Variants in DNAJC2 observed in about 807,000 individuals in gnomAD.
DNAJC2 encodes DnaJ heat shock protein family (Hsp40) member C2.
DNAJC2 carries 32 observed loss-of-function variants against 94.0 expected under a neutral mutation model. That is an observed-to-expected ratio of 0.34 (90% CI 0.26 to 0.46). The LOEUF is 0.46. DNAJC2 is among the 20% of genes least tolerant of loss of function. The probability of loss-of-function intolerance (pLI) is 1.00; values close to 1 mark genes in which losing one functional copy is unlikely to be tolerated. For synonymous variants in DNAJC2, 210 were observed against 229.7 expected (o/e 0.91, Z 0.77); for missense variants, 550 against 719.5 (o/e 0.76, Z 2.69).
intron 5 of DNAJC2, among the ~76,000 whole-genome samples, chr7:103,325,196 C>A (rs897008363): frequency 6.6e-6 from 1 of 152,202 alleles, no homozygotes; most frequent in Non-Finnish European, 1.5e-5. Context: ...GTAATCCCAG[C>A]ACTTTGGGAG....
In DNAJC2 at chr7:103,316,918, C is replaced by T; in HGVS notation, c.1339G>A (p.Gly447Ser). Reference protein sequence around the residue: ...SKNTEKSTGGGGNGSKNWSED... With the variant: ...SKNTEKSTGGSGNGSKNWSED... The stretch of plus-strand genomic sequence containing the variant: ...GACCAATTTTTACTTCCATTTCCAC[C>T]TCCACCAGTTGATTTCTCTGTGTTC... The change falls in exon 13 of 17, where the codon GGT (glycine) becomes AGT (serine). Residue 447 changes from glycine (G) to serine (S), a missense_variant. Physicochemically the swap from Gly to Ser is moderately conservative, Grantham distance 56. Transcript: ENST00000379263. 1 of 1,614,006 alleles carries T rather than the reference C, an allele frequency of 6.2e-7. No homozygotes were observed. Among genetic ancestry groups the T allele is most frequent in the Non-Finnish European group, 8.5e-7 (1 of 1,179,946 alleles).
At chr7:103,341,712 G>A in intron 2 of DNAJC2, 52 bp downstream of exon 2, 2 of 1,390,068 alleles carry the variant, frequency 1.4e-6, no homozygotes, top group South Asian at 1.5e-5. Context: ...TAAGAAAATT[G>A]TCTATGTCTA....
chr7:103,333,685 A>G (rs1819057630), intron 3 of DNAJC2, among the ~76,000 whole-genome samples: 1 of 152,212 alleles, frequency 6.6e-6, no homozygotes, highest in Non-Finnish European at 1.5e-5. Context: ...CAGCTGAGGC[A>G]ACCGTTTTCT....
intron 15 of DNAJC2, 149 bp from the exon 16 acceptor site, chr7:103,313,250 CCT>C (rs144352229): frequency 0.082 from 113,227 of 1,381,488 alleles, 5,068 homozygotes; most frequent in South Asian, 0.14. Context: ...TACATATAGC[CCT>C]CTGAGTGTTA....
chr7:103,324,011 A>G (rs76832014), intron 6 of DNAJC2, among the ~76,000 whole-genome samples: 227 of 152,330 alleles, frequency 1.5e-3, no homozygotes, highest in African/African-American at 5.4e-3. Context: ...TATCCTCTGA[A>G]GGTAAAAGCA....
rs765763868 is a variant in DNAJC2 at position 103,322,475 on chromosome 7, A to G, written c.933+36T>C. 6 of 1,401,758 alleles carry G rather than the reference A, an allele frequency of 4.3e-6. No individual in the cohort carries two copies. In the South Asian group the frequency reaches 8.0e-5, roughly 19 times the overall value. 86.8% of individuals were successfully genotyped at this position (1,401,758 alleles called of 1,614,324 possible). On this transcript the variant is annotated intron_variant, in intron 9 of 16. Coordinates refer to ENST00000379263, the MANE Select transcript of DNAJC2 (RefSeq NM_014377.3). ...AAAGTGAAGATTAAAGATTTCATAAACATTTAAAGTCCACCTTCATTAAAT... is the reference window on the plus strand; with the variant it reads ...AAAGTGAAGATTAAAGATTTCATAAGCATTTAAAGTCCACCTTCATTAAAT...
intron 5 of DNAJC2, among the ~76,000 whole-genome samples, chr7:103,325,298 G>A (rs182285434): frequency 1.3e-5 from 2 of 152,152 alleles, no homozygotes; most frequent in Admixed American, 6.5e-5. Context: ...ACACAAATTA[G>A]TGGTGGCAGA....
chr7:103,333,184 TA>T (rs1411961764), intron 3 of DNAJC2, among the ~76,000 whole-genome samples: 2 of 152,220 alleles, frequency 1.3e-5, no homozygotes, highest in Non-Finnish European at 2.9e-5. Flanking sequence ...ATTCTTCTTA[TA>T]AAACCCAGTT....
chr7:103,319,042 T>C (rs1818232524), intron 12 of DNAJC2, among the ~76,000 whole-genome samples: 1 of 151,924 alleles, frequency 6.6e-6, no homozygotes, highest in Non-Finnish European at 1.5e-5. Context: ...CGAAACCCTG[T>C]CTCTAGTAAA....
intron 5 of DNAJC2, 49 bp from the exon 6 acceptor site, chr7:103,324,611 A>G: frequency 7.6e-7 from 1 of 1,324,406 alleles, no homozygotes; most frequent in Non-Finnish European, 1.0e-6. Context: ...AATTATGTAC[A>G]ACAGTTCAAC....
At chr7:103,322,217 G>A (rs1818458836) in intron 9 of DNAJC2, 136 bp from the exon 10 acceptor site, 4 of 676,664 alleles carry the variant, frequency 5.9e-6, no homozygotes, top group Non-Finnish European at 8.8e-6. Flanking sequence ...ACTGAAGGAT[G>A]AACTCGGAAA....
In DNAJC2 at chr7:103,322,697, A is replaced by C; in HGVS notation, c.811+6T>G. The C allele has an allele frequency of 6.2e-7, 1 of 1,612,614 alleles. No homozygotes were observed. The highest frequency in any genetic ancestry group is 8.5e-7 in the Non-Finnish European group (1 of 1,179,648). ...CATTTAGGGGACTTAAATCAATTCT[A>C]CTTACCAACTAATGTTCTTATTCTG... On this transcript the variant is annotated splice_donor_region_variant and intron_variant, in intron 8 of 16. Transcript: ENST00000379263.
intron 4 of DNAJC2, among the ~76,000 whole-genome samples, chr7:103,327,163 T>C (rs544369868): frequency 1.4e-3 from 220 of 152,260 alleles, no homozygotes; most frequent in Admixed American, 2.7e-3. Flanking sequence ...TGCTTAGTGA[T>C]GTGTATGTAA....
chr7:103,325,315 T>C (rs978341477), intron 5 of DNAJC2, among the ~76,000 whole-genome samples: 1 of 152,076 alleles, frequency 6.6e-6, no homozygotes, highest in African/African-American at 2.4e-5. Context: ...CAGATGCCTG[T>C]AGTCCCAGCT....
chr7:103,327,265 C>T, intron 4 of DNAJC2: 1 of 856,346 alleles, frequency 1.2e-6, no homozygotes, highest in South Asian at 1.5e-5. Flanking sequence ...ACAGTTTAGT[C>T]CCATAAAGCA....
At chr7:103,333,260 A>T (rs1037794903) in intron 3 of DNAJC2, among the ~76,000 whole-genome samples, 12 of 152,166 alleles carry the variant, frequency 7.9e-5, no homozygotes, top group African/African-American at 2.9e-4. Flanking sequence ...AAACCTCTGA[A>T]TTGAATTTCC....
intron 3 of DNAJC2, among the ~76,000 whole-genome samples, chr7:103,329,843 T>A (rs981347408): frequency 6.6e-6 from 1 of 152,230 alleles, no homozygotes; most frequent in Non-Finnish European, 1.5e-5. Context: ...AACTCTCTTT[T>A]GCTTTTCTAG....
At position 103,314,574 on chromosome 7, in the gene DNAJC2, G is replaced by A. The variant is rs1311703425; in HGVS notation, c.1636+1190C>T. Reference sequence around the variant, plus strand: ...GTGCTAATACCTGTTGTATTTTGTGGAGATAAAGGTGCAGGAGAATAAACT... The same window carrying A: ...GTGCTAATACCTGTTGTATTTTGTGAAGATAAAGGTGCAGGAGAATAAACT... On this transcript the variant is annotated intron_variant, in intron 15 of 16. Coordinates refer to ENST00000379263, the MANE Select transcript of DNAJC2 (RefSeq NM_014377.3). 5.1e-6 allele frequency: 5 copies of A among 985,164 alleles called. No homozygotes were observed. In the African/African-American group the frequency reaches 8.7e-5, roughly 17 times the overall value. 61.0% of individuals were successfully genotyped at this position (985,164 alleles called of 1,614,324 possible).
At position 103,326,275 on chromosome 7, in the gene DNAJC2, G is replaced by C. The variant is rs58418722; in HGVS notation, c.572+268C>G. 0.047 allele frequency among the ~76,000 whole-genome samples: 7,226 copies of C among 152,202 alleles called. 232 individuals carry two copies. The highest frequency in any genetic ancestry group is 0.079 in the African/African-American group (3,263 of 41,514). ...TTACAGGTGTGAACCACTGTGCCCA[G>C]CCCAAGTAAATTTAAAAGAGAAACT... On this transcript the variant is annotated intron_variant, in intron 5 of 16. Coordinates refer to ENST00000379263, the MANE Select transcript of DNAJC2 (RefSeq NM_014377.3).
Sources: gnomAD v4.1 joint callset for allele counts (sites outside exome capture counted in the v4.1 genomes callset) on GRCh38, gnomAD v4.1.1 for gene constraint, MANE v1.5 for transcripts, NCBI Gene and HGNC (gene_info 2026-07-23, HGNC 2026-07-21) for gene names.